The following L3MBTL3 variants were observed in gnomAD, a reference collection of about 807,000 sequenced individuals.
L3MBTL3 encodes lethal(3)malignant brain tumor-like protein 3.
Under a neutral mutation model 102.3 loss-of-function variants are expected in L3MBTL3, and 27 were observed. The observed-to-expected ratio is 0.26, with a 90% CI of 0.19 to 0.36. The LOEUF (loss-of-function observed/expected upper bound fraction) is 0.36. L3MBTL3 is among the 10% of genes least tolerant of loss of function. The probability of loss-of-function intolerance (pLI) is 1.00; values close to 1 mark genes in which losing one functional copy is unlikely to be tolerated. For synonymous variants in L3MBTL3, 340 were observed against 320.9 expected, an observed-to-expected ratio of 1.06 and a Z score of -0.64; for missense variants, 798 against 955.3, an observed-to-expected ratio of 0.84 and a Z score of 2.17.
At chr6:130,121,709 A>G (rs1045898690) in intron 20 of L3MBTL3, among the ~76,000 whole-genome samples, 4 of 151,830 alleles carry the variant, frequency 2.6e-5, no homozygotes, top group African/African-American at 9.7e-5. Flanking sequence ...TTAATCTAAT[A>G]TCACAAAATG....
At chr6:130,088,566 G>T (rs1783837158) in intron 16 of L3MBTL3, among the ~76,000 whole-genome samples, 1 of 152,088 alleles carries the variant, frequency 6.6e-6, no homozygotes, top group Non-Finnish European at 1.5e-5. Flanking sequence ...ATTTTAAATT[G>T]TTCTATATTT....
intron 13 of L3MBTL3, among the ~76,000 whole-genome samples, chr6:130,077,627 C>T (rs1222390764): frequency 1.3e-5 from 2 of 152,206 alleles, no homozygotes; most frequent in African/African-American, 2.4e-5. Context: ...GTGCTAATCT[C>T]ACCCACTTAC....
intron 2 of L3MBTL3, among the ~76,000 whole-genome samples, chr6:130,024,007 T>A (rs1258859291): frequency 1.3e-5 from 2 of 151,778 alleles, no homozygotes; most frequent in African/African-American, 2.4e-5. Flanking sequence ...GTAGAAGGAG[T>A]AAATGAAAGA....
intron 13 of L3MBTL3, among the ~76,000 whole-genome samples, chr6:130,075,690 A>AT (rs1022473545): frequency 2.8e-4 from 43 of 152,252 alleles, no homozygotes; most frequent in African/African-American, 9.9e-4. Context: ...CACCATGAGC[A>AT]TTTTTGAGCT....
chr6:130,117,725 A>C (rs1785812734), intron 19 of L3MBTL3, among the ~76,000 whole-genome samples: 1 of 152,172 alleles, frequency 6.6e-6, no homozygotes, highest in Non-Finnish European at 1.5e-5. Flanking sequence ...TCTGAGACAC[A>C]GTCTCACTTT....
intron 2 of L3MBTL3, among the ~76,000 whole-genome samples, chr6:130,026,976 T>C (rs1282347868): frequency 6.6e-6 from 1 of 151,868 alleles, no homozygotes; most frequent in Non-Finnish European, 1.5e-5. Context: ...TGTCCTAGAA[T>C]CAAAGTAAAA....
chr6:130,133,665 A>G lies in L3MBTL3; in HGVS notation c.2136+44A>G, dbSNP rs1205550526. The G allele has an allele frequency of 1.2e-6, 2 of 1,604,052 alleles. No homozygotes were observed. The highest frequency in any genetic ancestry group is 1.7e-6 in the Non-Finnish European group (2 of 1,174,938). ...GCTGCCCGACACCAGATACAGGATTACTGGCTTAAGAGGTGTGGAACATTG... is the reference window on the plus strand; with the variant it reads ...GCTGCCCGACACCAGATACAGGATTGCTGGCTTAAGAGGTGTGGAACATTG... On this transcript the variant is annotated intron_variant, in intron 21 of 22. Transcript: ENST00000361794. The surrounding 1 kb of genome is among the most constrained non-coding windows in gnomAD (Gnocchi z 4.9).
intron 3 of L3MBTL3, among the ~76,000 whole-genome samples, chr6:130,043,040 C>T (rs990265510): frequency 6.6e-6 from 1 of 152,120 alleles, no homozygotes; most frequent in Non-Finnish European, 1.5e-5. Context: ...GTGCTTATTT[C>T]GCAGAAATTG....
At chr6:130,091,090 A>G (rs1435405786) in intron 16 of L3MBTL3, among the ~76,000 whole-genome samples, 1 of 152,056 alleles carries the variant, frequency 6.6e-6, no homozygotes, top group East Asian at 1.9e-4. Flanking sequence ...CTTTCATTTT[A>G]TTTTATAATA....
intron 18 of L3MBTL3, among the ~76,000 whole-genome samples, chr6:130,098,631 G>T (rs113090722): frequency 0.012 from 1,760 of 152,244 alleles, 23 homozygotes; most frequent in Non-Finnish European, 0.014. Context: ...AGGACTTAAT[G>T]TGTGACCTCA....
At chr6:130,054,648 G>A (rs1562269736) in intron 7 of L3MBTL3, among the ~76,000 whole-genome samples, 1 of 152,198 alleles carries the variant, frequency 6.6e-6, no homozygotes, top group South Asian at 2.1e-4. Context: ...AGAGTCCTTT[G>A]GCCATGATGG....
rs1320975405 is a variant in L3MBTL3, at chr6:130,022,301, G to C, written c.-20G>C. The C allele has an allele frequency of 1.3e-5, 2 of 152,194 alleles. No individual in the cohort carries two copies. The highest frequency in any genetic ancestry group is 4.8e-5 in the African/African-American group (2 of 41,446). 9.4% of individuals were successfully genotyped at this position (152,194 alleles called of 1,614,324 possible). Reference sequence around the variant, plus strand: ...GAGAGTTCTGTGTTTCATCACCGCCGAAAGGTAAGACCCACTTGTTGAAAT... The same window carrying C: ...GAGAGTTCTGTGTTTCATCACCGCCCAAAGGTAAGACCCACTTGTTGAAAT... On this transcript the variant is annotated 5_prime_UTR_variant, in exon 2 of 23. Coordinates refer to ENST00000361794, the MANE Select transcript of L3MBTL3 (RefSeq NM_032438.4).
intron 18 of L3MBTL3, among the ~76,000 whole-genome samples, chr6:130,103,424 G>A (rs1430299078): frequency 1.3e-5 from 2 of 152,140 alleles, no homozygotes; most frequent in African/African-American, 4.8e-5. Flanking sequence ...TTTCCTAGGA[G>A]GGTGTATCAG....
At chr6:130,100,209 G>A (rs932200188) in intron 18 of L3MBTL3, among the ~76,000 whole-genome samples, 4 of 152,264 alleles carry the variant, frequency 2.6e-5, no homozygotes, top group African/African-American at 7.2e-5. Context: ...CACTTAATCC[G>A]AGGTCAGTTT....
At chr6:130,110,090 G>A (rs762512100) in intron 19 of L3MBTL3, among the ~76,000 whole-genome samples, 10 of 152,274 alleles carry the variant, frequency 6.6e-5, no homozygotes, top group Non-Finnish European at 5.9e-5. Flanking sequence ...ATGCTGTTTT[G>A]GTTACCGTAG....
chr6:130,135,170 C>T (rs549591444), intron 22 of L3MBTL3, among the ~76,000 whole-genome samples: 3 of 151,252 alleles, frequency 2.0e-5, no homozygotes, highest in Admixed American at 1.3e-4. Flanking sequence ...AGGCGATTCT[C>T]CTGCCTCAGC....
intron 10 of L3MBTL3, 71 bp downstream of exon 10, chr6:130,060,211 G>A (rs1781800814): frequency 1.2e-6 from 1 of 858,438 alleles, no homozygotes. Context: ...AGGAAAAACT[G>A]CCATTGGTTG....
chr6:130,101,661 C>T (rs752928053), intron 18 of L3MBTL3, among the ~76,000 whole-genome samples: 1 of 152,220 alleles, frequency 6.6e-6, no homozygotes, highest in Non-Finnish European at 1.5e-5. Flanking sequence ...GCCACATGCC[C>T]AGCAGCCTCC....
chr6:130,066,865 C>G (rs1457484674), intron 11 of L3MBTL3, among the ~76,000 whole-genome samples: 1 of 151,968 alleles, frequency 6.6e-6, no homozygotes, highest in African/African-American at 2.4e-5. Flanking sequence ...ACTAATTTTT[C>G]AAATCAGTTT....
Sources: gnomAD v4.1 joint callset for allele counts (sites outside exome capture counted in the v4.1 genomes callset) on GRCh38, gnomAD v4.1.1 for gene constraint, Gnocchi (gnomAD v3.1) non-coding constraint, MANE v1.5 for transcripts, NCBI Gene and HGNC (gene_info 2026-07-23, HGNC 2026-07-21) for gene names.